Variants in PLD1 observed in about 807,000 individuals in gnomAD.
PLD1 encodes the protein phospholipase D1.
In PLD1, 112 loss-of-function variants were observed where a neutral mutation model predicts 137.1. That is an observed-to-expected ratio of 0.82 (90% CI 0.70 to 0.96). The LOEUF (loss-of-function observed/expected upper bound fraction) is 0.96, where lower values mean the gene tolerates loss of function less well. PLD1 is among the 40% of genes least tolerant of loss of function. The pLI, the probability that PLD1 is intolerant of heterozygous loss-of-function variation, is 0.00. For missense variants in PLD1, 1,321 were observed against 1,342.0 expected (o/e 0.98, Z 0.24); for synonymous variants, 431 against 454.7 (o/e 0.95, Z 0.66).
intron 23 of PLD1, among the ~76,000 whole-genome samples, chr3:171,630,870 G>T (rs867485109): frequency 2.4e-5 from 3 of 124,320 alleles, no homozygotes; most frequent in South Asian, 3.2e-4. Context: ...GTTGTGGGGT[G>T]GGGGGAGGGG....
rs759788766 is a variant in PLD1 at position 171,603,257 on chromosome 3, G to T, written c.3046C>A (p.Leu1016Met). The T allele has an allele frequency of 1.9e-6, 3 of 1,613,904 alleles. No homozygotes were observed. The South Asian group carries it at 3.3e-5, about 18-fold the overall frequency. Residue 1016 changes from leucine (L) to methionine (M), a missense_variant, in exon 27 of 27, where the codon CTG becomes ATG. By Grantham distance (15) the Leu-to-Met change is conservative. Transcript: ENST00000351298. The stretch of plus-strand genomic sequence containing the variant: ...ACGGGCTTGTTTATAAAGTCTCTCA[G>T]CTGAATTAAATTGTGTACTTCATCA... Reference protein sequence around the residue: ...PNDEVHNLIQLRDFINKPVLA... With the variant: ...PNDEVHNLIQMRDFINKPVLA...
rs79938967 is a variant in PLD1 at position 171,673,045 on chromosome 3, C to G, written c.2229+1455G>C. Among the ~76,000 whole-genome samples the G allele has an allele frequency of 7.5e-4, 114 of 152,314 alleles. 3 individuals carry two copies. The East Asian group carries it at 0.017, about 22-fold the overall frequency. On this transcript the variant is annotated intron_variant, in intron 19 of 26. Transcript: ENST00000351298. The stretch of plus-strand genomic sequence containing the variant: ...GCTAACTTTGAAAAATTGACCACCA[C>G]GTCAATAATAATGCAAGTTCAAATC...
At chr3:171,714,611 T>C (rs1361971819) in intron 8 of PLD1, among the ~76,000 whole-genome samples, 2 of 152,200 alleles carry the variant, frequency 1.3e-5, no homozygotes, top group Non-Finnish European at 2.9e-5. Context: ...ACTGTAAATA[T>C]AGCATGGGAA....
chr3:171,693,715 G>C (rs1715422848), intron 12 of PLD1, among the ~76,000 whole-genome samples: 1 of 152,028 alleles, frequency 6.6e-6, no homozygotes, highest in South Asian at 2.1e-4. Context: ...ATATCGTAGA[G>C]ATTAAAGGTA....
At chr3:171,712,384 G>A (rs1019798104) in intron 9 of PLD1, among the ~76,000 whole-genome samples, 68 of 152,222 alleles carry the variant, frequency 4.5e-4, no homozygotes, top group African/African-American at 1.5e-3. Flanking sequence ...AAAAAGCCTC[G>A]GAAAAACAGT....
At chr3:171,774,000 G>A (rs893256699) in intron 1 of PLD1, among the ~76,000 whole-genome samples, 10 of 151,998 alleles carry the variant, frequency 6.6e-5, no homozygotes, top group South Asian at 4.1e-4. Context: ...CGCCCGCCTC[G>A]GCCTCCCAAA....
intron 19 of PLD1, 26 bp from the exon 20 acceptor site, chr3:171,662,196 C>G (rs377668785): frequency 1.6e-5 from 20 of 1,283,780 alleles, no homozygotes; most frequent in Non-Finnish European, 1.1e-6. Flanking sequence ...CAGAAATGAA[C>G]AAGTATTAGC....
intron 23 of PLD1, among the ~76,000 whole-genome samples, chr3:171,639,143 T>C (rs559376583): frequency 1.4e-4 from 21 of 147,444 alleles, no homozygotes; most frequent in African/African-American, 4.7e-4. Flanking sequence ...TCTTTTCATA[T>C]ATATATATGA....
rs562461113 is a variant in PLD1 at position 171,807,094 on chromosome 3, C to T, written c.-32+3305G>A. ...AGCCGAAGTAGGAGGATTGCGGGAG[C>T]CCAGCTGTTCAAGACCAGCCCTAGC... On this transcript the variant is annotated intron_variant, in intron 1 of 26. Transcript: ENST00000351298. Among the ~76,000 whole-genome samples, 37 of 152,182 alleles carry T rather than the reference C, an allele frequency of 2.4e-4. 2 individuals carry two copies. In the South Asian group the frequency reaches 7.5e-3, roughly 31 times the overall value.
At chr3:171,779,854 G>T (rs1722724577) in intron 1 of PLD1, among the ~76,000 whole-genome samples, 1 of 152,106 alleles carries the variant, frequency 6.6e-6, no homozygotes, top group Admixed American at 6.5e-5. Flanking sequence ...TAGGACTGGA[G>T]TTTGGATACA....
chr3:171,639,102 G>A (rs1003980922), intron 23 of PLD1, among the ~76,000 whole-genome samples: 3 of 150,068 alleles, frequency 2.0e-5, no homozygotes, highest in East Asian at 1.9e-4. Context: ...CTCAGCCTCC[G>A]TAATTACTTG....
At chr3:171,783,744 G>C (rs1373691080) in intron 1 of PLD1, among the ~76,000 whole-genome samples, 2 of 152,144 alleles carry the variant, frequency 1.3e-5, no homozygotes, top group Non-Finnish European at 2.9e-5. Context: ...TCAGGCTCTA[G>C]TGATTTTCCC....
chr3:171,696,691 T>C (rs1715725946), intron 12 of PLD1, among the ~76,000 whole-genome samples: 1 of 152,216 alleles, frequency 6.6e-6, no homozygotes. Context: ...TATGTGCATA[T>C]AAAATGTCAA....
At chr3:171,605,496 C>A (rs757451141) in intron 25 of PLD1, 80 bp from the exon 26 acceptor site, 5 of 797,034 alleles carry the variant, frequency 6.3e-6, no homozygotes, top group Non-Finnish European at 1.1e-5. Context: ...ATATCTATCT[C>A]TATATATGCA....
At chr3:171,774,713 G>A (rs938849616) in intron 1 of PLD1, among the ~76,000 whole-genome samples, 1 of 152,174 alleles carries the variant, frequency 6.6e-6, no homozygotes, top group Non-Finnish European at 1.5e-5. Flanking sequence ...AGCAGCATGC[G>A]CACTGGCTCC....
At chr3:171,658,821 T>TA (rs542228937) in intron 21 of PLD1, among the ~76,000 whole-genome samples, 21 of 150,024 alleles carry the variant, frequency 1.4e-4, no homozygotes, top group South Asian at 2.1e-4. Flanking sequence ...AACCAATTAT[T>TA]AAAAAAAAAA....
chr3:171,664,870 T>C (rs932833928), intron 19 of PLD1, among the ~76,000 whole-genome samples: 1 of 151,950 alleles, frequency 6.6e-6, no homozygotes, highest in Non-Finnish European at 1.5e-5. Context: ...CCTCTCCCCA[T>C]CCCCTAAAGC....
At chr3:171,710,222 G>A (rs1457777325) in intron 9 of PLD1, among the ~76,000 whole-genome samples, 3 of 152,038 alleles carry the variant, frequency 2.0e-5, no homozygotes, top group Non-Finnish European at 2.9e-5. Context: ...CACCACGCCC[G>A]GCTAATTTTT....
chr3:171,779,922 G>T, intron 1 of PLD1, among the ~76,000 whole-genome samples: 1 of 151,650 alleles, frequency 6.6e-6, no homozygotes, highest in Non-Finnish European at 1.5e-5. Context: ...CAGGACTGGG[G>T]TTTGGAGACG....
Sources: gnomAD v4.1 joint callset for allele counts (sites outside exome capture counted in the v4.1 genomes callset) on GRCh38, gnomAD v4.1.1 for gene constraint, MANE v1.5 for transcripts, NCBI Gene and HGNC (gene_info 2026-07-23, HGNC 2026-07-21) for gene names.